Variants in KNDC1 observed in about 807,000 individuals in gnomAD.
KNDC1 encodes the protein kinase non-catalytic C-lobe domain containing 1.
In KNDC1, 106 loss-of-function variants were observed where a neutral mutation model predicts 172.8. The ratio of observed to expected loss-of-function variants is 0.61; its 90% CI spans 0.52 to 0.72. The LOEUF (loss-of-function observed/expected upper bound fraction) is 0.72. KNDC1 is among the 30% of genes least tolerant of loss of function. KNDC1 has a pLI of 0.00. For missense variants in KNDC1, 2,325 were observed against 2,394.5 expected, an observed-to-expected ratio of 0.97 and a Z score of 0.61; for synonymous variants, 1,083 against 1,062.2, an observed-to-expected ratio of 1.02 and a Z score of -0.38.
intron 7 of KNDC1, 62 bp downstream of exon 7, chr10:133,188,715 C>T: frequency 1.2e-6 from 1 of 819,642 alleles, no homozygotes. Context: ...TTCCACCCCC[C>T]ACCGCCGTCC....
rs1488410836 is a variant in KNDC1 at position 133,198,350 on chromosome 10, G to C, written c.1920G>C (p.Val640=). Residue 640 remains valine (V), a synonymous_variant, in exon 13 of 30, where the codon GTG becomes GTC. Coordinates refer to ENST00000304613, the MANE Select transcript of KNDC1 (RefSeq NM_152643.8). ...APEPSPGFLP[V]NSDTGLVAVP... Reference sequence around the variant, plus strand: ...CTGGCTCCCCAGGCTTCCTGCCGGTGAACAGCGACACCGGGCTTGTGGCTG... The same window carrying C: ...CTGGCTCCCCAGGCTTCCTGCCGGTCAACAGCGACACCGGGCTTGTGGCTG... 17 of 1,584,688 alleles carry C rather than the reference G, an allele frequency of 1.1e-5. No individual in the cohort carries two copies. The highest frequency in any genetic ancestry group is 1.4e-5 in the Non-Finnish European group (16 of 1,166,706).
Position 133,211,801 on chromosome 10 carries a change from T to C in KNDC1, c.4179T>C (p.Asp1393=), listed in dbSNP as rs1349677839. ...DLENPREAEE[D]ARPFNALCKR... ...AGAACCCCAGGGAGGCCGAGGAGGA[T>C]GCCAGACCCTTCAACGCCCTCTGTA... Residue 1393 remains aspartate (D), a synonymous_variant, in exon 23 of 30, where the codon GAT becomes GAC. Coordinates refer to ENST00000304613, the MANE Select transcript of KNDC1 (RefSeq NM_152643.8). 6.2e-7 allele frequency: 1 copy of C among 1,610,382 alleles called. No individual in the cohort carries two copies. Among genetic ancestry groups the C allele is most frequent in the African/African-American group, 1.3e-5 (1 of 74,750 alleles).
chr10:133,218,996 C>A, intron 27 of KNDC1, 35 bp from the exon 28 acceptor site: 1 of 1,613,770 alleles, frequency 6.2e-7, no homozygotes, highest in Non-Finnish European at 8.5e-7. Flanking sequence ...GGTACCCGCA[C>A]GGCCGCAGGA....
At chr10:133,174,612 ATGGATAGG>A (rs148986981) in intron 3 of KNDC1, among the ~76,000 whole-genome samples, 2,830 of 152,210 alleles carry the variant, frequency 0.019, 38 homozygotes, top group Non-Finnish European at 0.029. Flanking sequence ...GGCCAGGTGG[ATGGATAGG>A]TGGATAGGTG....
chr10:133,169,337 G>C (rs1591221008), intron 3 of KNDC1, among the ~76,000 whole-genome samples: 1 of 152,238 alleles, frequency 6.6e-6, no homozygotes, highest in East Asian at 1.9e-4. Flanking sequence ...GTGCACGCCT[G>C]TGGTCCCAGC....
At position 133,189,764 on chromosome 10, in the gene KNDC1, C is replaced by T. The variant is rs369664658; in HGVS notation, c.1526C>T (p.Ser509Leu). The T allele has an allele frequency of 4.5e-5, 72 of 1,613,922 alleles. No homozygotes were observed. Among genetic ancestry groups the T allele is most frequent in the Non-Finnish European group, 5.6e-5 (66 of 1,180,006 alleles). The part of the protein sequence containing the change: ...QPPPANGSYD[S>L]FFLAPELAEE... ...GTTTCTCTCTTAGGTTCCTATGACT[C>T]GTTCTTTCTGGCTCCCGAGCTGGCA... The change falls in exon 9 of 30, where the codon TCG becomes TTG. Residue 509 changes from serine (S) to leucine (L), a missense_variant. Coordinates refer to ENST00000304613, the MANE Select transcript of KNDC1 (RefSeq NM_152643.8).
Position 133,199,539 on chromosome 10 carries a change from G to A in KNDC1, c.2840G>A (p.Trp947Ter), listed in dbSNP as rs755671876. Reference sequence around the variant, plus strand: ...TCCGAGAAGTTCTGTGACCTGTACTGGGATGAGAAGTTGCTGCAGAACCTC... The same window carrying A: ...TCCGAGAAGTTCTGTGACCTGTACTAGGATGAGAAGTTGCTGCAGAACCTC... The part of the protein sequence containing the change: ...AISEKFCDLY[W>*]DEKLLQNLFK... The change falls in exon 15 of 30, where the codon TGG becomes TAG. Residue 947 changes from tryptophan (W) to a stop codon, truncating the protein, a stop_gained. Coordinates refer to ENST00000304613, the MANE Select transcript of KNDC1 (RefSeq NM_152643.8). LOFTEE classifies it high-confidence loss of function. 6.2e-7 allele frequency: 1 copy of A among 1,613,868 alleles called. No homozygotes were observed. The highest frequency in any genetic ancestry group is 8.5e-7 in the Non-Finnish European group (1 of 1,179,990).
At position 133,213,952 on chromosome 10, in the gene KNDC1, G is replaced by A. The variant is rs1845425156; in HGVS notation, c.4527-20G>A. The A allele has an allele frequency of 1.2e-6, 2 of 1,613,944 alleles. No homozygotes were observed. The highest frequency in any genetic ancestry group is 1.7e-6 in the Non-Finnish European group (2 of 1,179,878). ...ACTGCACAAGTCCTGGGGGTGACAG[G>A]GACCATATTTCTCTTCCAGAGCCAG... On this transcript the variant is annotated intron_variant, in intron 25 of 29. Coordinates refer to ENST00000304613, the MANE Select transcript of KNDC1 (RefSeq NM_152643.8).
Position 133,195,972 on chromosome 10 carries a change from C to T in KNDC1, c.1734+151C>T, listed in dbSNP as rs573614437. 26 of 818,252 alleles carry T rather than the reference C, an allele frequency of 3.2e-5. No homozygotes were observed. In the African/African-American group the frequency reaches 3.7e-4, roughly 12 times the overall value. The allele number at this position is 818,252 out of a possible 1,614,324, so 50.7% of individuals were successfully genotyped here. The stretch of plus-strand genomic sequence containing the variant: ...TTTCTAGGTCCCTGTTTCTAGACGT[C>T]GGCCTGGCCGTCGCATGGGGAAGGG... On this transcript the variant is annotated intron_variant, in intron 10 of 29. Transcript: ENST00000304613.
chr10:133,213,161 G>C (rs1431408494), intron 24 of KNDC1, among the ~76,000 whole-genome samples: 1 of 152,212 alleles, frequency 6.6e-6, no homozygotes, highest in South Asian at 2.1e-4. Context: ...CGCTGGGCCT[G>C]GCCCTGCCTC....
In KNDC1 at chr10:133,206,749, A is replaced by C. The variant is rs748827293; in HGVS notation, c.3452A>C (p.Lys1151Thr). 2 of 1,614,096 alleles carry C rather than the reference A, an allele frequency of 1.2e-6. No individual in the cohort carries two copies. Among genetic ancestry groups the C allele is most frequent in the South Asian group, 2.2e-5 (2 of 91,086 alleles). Reference sequence around the variant, plus strand: ...CGCAAGACCCTGAAGTTCTACCAGAAACTCTTACAGAAGGAAAAGAGGAAC... The same window carrying C: ...CGCAAGACCCTGAAGTTCTACCAGACACTCTTACAGAAGGAAAAGAGGAAC... ...NYRKTLKFYQ[K>T]LLQKEKRNKG... The change falls in exon 18 of 30, where the codon AAA becomes ACA. Residue 1151 changes from lysine to threonine, a missense_variant. By Grantham distance (78) the Lys-to-Thr change is moderately conservative (BLOSUM62 -1). Transcript: ENST00000304613.
intron 17 of KNDC1, among the ~76,000 whole-genome samples, chr10:133,205,714 A>C (rs905931667): frequency 1.3e-5 from 2 of 152,108 alleles, no homozygotes; most frequent in African/African-American, 4.8e-5. Context: ...CACGCCTGTA[A>C]TCCCAGCACT....
At chr10:133,215,939 C>T (rs535098446) in intron 26 of KNDC1, among the ~76,000 whole-genome samples, 1 of 152,380 alleles carries the variant, frequency 6.6e-6, no homozygotes, top group East Asian at 1.9e-4. Flanking sequence ...GAACAGGCCC[C>T]TCACCTCCTC....
At chr10:133,184,137 CCACA>C (rs758159604) in intron 5 of KNDC1, 148 bp downstream of exon 5, 4 of 475,356 alleles carry the variant, frequency 8.4e-6, no homozygotes, top group African/African-American at 4.1e-5. Flanking sequence ...CACACACATG[CCACA>C]CACACCCATG....
At chr10:133,219,619 G>A in intron 28 of KNDC1, among the ~76,000 whole-genome samples, 1 of 152,188 alleles carries the variant, frequency 6.6e-6, no homozygotes, top group African/African-American at 2.4e-5. Flanking sequence ...GCCCTGCTCT[G>A]GTCAGCCGGG....
intron 1 of KNDC1, among the ~76,000 whole-genome samples, chr10:133,165,905 G>T (rs891823545): frequency 6.6e-6 from 1 of 152,184 alleles, no homozygotes; most frequent in Non-Finnish European, 1.5e-5. Context: ...AGCTGGAAGG[G>T]CCTGGGAAAT....
chr10:133,165,302 C>T (rs1247346555), intron 1 of KNDC1, among the ~76,000 whole-genome samples: 1 of 152,222 alleles, frequency 6.6e-6, no homozygotes, highest in Non-Finnish European at 1.5e-5. Context: ...GGCTGCCCAT[C>T]ACCAGGCATC....
In KNDC1 at chr10:133,163,227, G is replaced by A. The variant is rs140045655; in HGVS notation, c.102+2658G>A. On this transcript the variant is annotated intron_variant, in intron 1 of 29. Transcript: ENST00000304613. The surrounding 1 kb of genome is among the most constrained non-coding windows in gnomAD (Gnocchi z 4.4). ...TCAGATGAGACGAAGAGGGTGCACC[G>A]GTTTGGGTGCCAGAGCAGGACGTGT... 1.7e-3 allele frequency among the ~76,000 whole-genome samples: 254 copies of A among 152,296 alleles called. No individual in the cohort carries two copies. The highest frequency in any genetic ancestry group is 5.7e-3 in the African/African-American group (236 of 41,542).
intron 3 of KNDC1, among the ~76,000 whole-genome samples, chr10:133,169,920 G>A (rs142630798): frequency 3.6e-4 from 55 of 152,344 alleles, no homozygotes; most frequent in East Asian, 2.5e-3. Flanking sequence ...CGTGGGACTC[G>A]CATTCCTTCA....
Sources: gnomAD v4.1 joint callset for allele counts (sites outside exome capture counted in the v4.1 genomes callset) on GRCh38, gnomAD v4.1.1 for gene constraint, Gnocchi (gnomAD v3.1) non-coding constraint, MANE v1.5 for transcripts, NCBI Gene and HGNC (gene_info 2026-07-23, HGNC 2026-07-21) for gene names.